Variants in UGT1A8 observed in about 807,000 individuals in gnomAD.
UGT1A8 encodes the protein UDP-glucuronosyltransferase 1A8.
UGT1A8 carries 39 observed loss-of-function variants against 45.3 expected under a neutral mutation model. That is an observed-to-expected ratio of 0.86 (90% CI 0.67 to 1.12). The LOEUF is 1.12. Ranked by LOEUF, UGT1A8 falls within the 50% of genes most tolerant of loss-of-function variation. The pLI is 0.00. For missense variants in UGT1A8, 719 were observed against 664.9 expected (o/e 1.08, Z -0.90); for synonymous variants, 275 against 249.2 (o/e 1.10, Z -0.97).
At chr2:233,684,894 G>A (rs2074708739) in intron 1 of UGT1A8, among the ~76,000 whole-genome samples, 2 of 152,122 alleles carry the variant, frequency 1.3e-5, no homozygotes, top group South Asian at 2.1e-4. Flanking sequence ...TCTTGGAAAA[G>A]TATACAGTTT....
intron 1 of UGT1A8, among the ~76,000 whole-genome samples, chr2:233,737,049 A>G (rs2078837950): frequency 1.3e-5 from 2 of 152,210 alleles, no homozygotes; most frequent in Admixed American, 6.5e-5. Context: ...ATGCCATACT[A>G]GGAGAACGAG....
In UGT1A8 at chr2:233,768,239, C is replaced by A. The variant is rs1699593098; in HGVS notation, c.1095C>A (p.Ala365=). Residue 365 remains alanine (A), a synonymous_variant, in exon 4 of 5, where the codon GCC becomes GCA. Coordinates refer to ENST00000373450, the MANE Select transcript of UGT1A8 (RefSeq NM_019076.5). ...NDLLGHPMTR[A]FITHAGSHGV... ...TCTCAGGTCACCCGATGACCCGTGC[C>A]TTTATCACCCATGCTGGTTCCCATG... 1 of 1,614,058 alleles carries A rather than the reference C, an allele frequency of 6.2e-7. No individual in the cohort carries two copies. The highest frequency in any genetic ancestry group is 1.3e-5 in the African/African-American group (1 of 74,904).
chr2:233,650,218 C>T (rs1381727994), intron 1 of UGT1A8, among the ~76,000 whole-genome samples: 1 of 152,168 alleles, frequency 6.6e-6, no homozygotes. Flanking sequence ...GATCTGCCTG[C>T]CTCGGCCTCC....
At chr2:233,672,530 A>G (rs1243316887) in intron 1 of UGT1A8, 1 of 1,613,940 alleles carries the variant, frequency 6.2e-7, no homozygotes, top group Non-Finnish European at 8.5e-7. Flanking sequence ...GGGTTCTCAG[A>G]TGCCATGACT....
chr2:233,643,027 C>A (rs2073496230), intron 1 of UGT1A8, among the ~76,000 whole-genome samples: 1 of 152,194 alleles, frequency 6.6e-6, no homozygotes, highest in Non-Finnish European at 1.5e-5. Context: ...TGGGTCTCAC[C>A]CAAGGCCTGC....
intron 1 of UGT1A8, among the ~76,000 whole-genome samples, chr2:233,667,448 T>C (rs555953711): frequency 5.1e-4 from 78 of 152,294 alleles, no homozygotes; most frequent in African/African-American, 1.8e-3. Flanking sequence ...AACCTAGGCA[T>C]TACCATTCAG....
chr2:233,680,793 C>T (rs1420831163), intron 1 of UGT1A8, among the ~76,000 whole-genome samples: 1 of 152,072 alleles, frequency 6.6e-6, no homozygotes, highest in Non-Finnish European at 1.5e-5. Flanking sequence ...GGGGTGGGCC[C>T]ATAGCAAAGG....
chr2:233,741,575 C>A lies in UGT1A8; in HGVS notation c.856-25459C>A, dbSNP rs559274983. ...TGGTTATTGTATGAGAATCAACTAC[C>A]CAGGCACCTCGGAGCATGTTGATTT... On this transcript the variant is annotated intron_variant, in intron 1 of 4. Coordinates refer to ENST00000373450, the MANE Select transcript of UGT1A8 (RefSeq NM_019076.5). 4 of 151,970 alleles carry A rather than the reference C, an allele frequency of 2.6e-5. No individual in the cohort carries two copies. In the East Asian group the frequency reaches 7.7e-4, roughly 29 times the overall value. 9.4% of individuals were successfully genotyped at this position (151,970 alleles called of 1,614,324 possible).
intron 1 of UGT1A8, among the ~76,000 whole-genome samples, chr2:233,739,383 G>A (rs1385341432): frequency 6.6e-6 from 1 of 152,210 alleles, no homozygotes; most frequent in South Asian, 2.1e-4. Context: ...GTGCCTGGAA[G>A]AGCCACAGAC....
intron 1 of UGT1A8, among the ~76,000 whole-genome samples, chr2:233,716,166 G>A (rs1366189269): frequency 6.6e-6 from 1 of 152,138 alleles, no homozygotes; most frequent in Non-Finnish European, 1.5e-5. Flanking sequence ...GAGATGCAGT[G>A]CAGCATCTTC....
intron 1 of UGT1A8, among the ~76,000 whole-genome samples, chr2:233,749,893 C>A (rs141027223): frequency 6.6e-5 from 10 of 151,938 alleles, no homozygotes; most frequent in Non-Finnish European, 1.2e-4. Context: ...GAGGCTCCCC[C>A]CTCCAGCCAC....
At chr2:233,637,342 G>A in intron 1 of UGT1A8, 1 of 1,613,740 alleles carries the variant, frequency 6.2e-7, no homozygotes, top group African/African-American at 1.3e-5. Flanking sequence ...CTTCATTGGT[G>A]GTATCAACTG....
chr2:233,632,237 G>T (rs1199446597), intron 1 of UGT1A8, among the ~76,000 whole-genome samples: 1 of 152,138 alleles, frequency 6.6e-6, no homozygotes, highest in Non-Finnish European at 1.5e-5. Context: ...TGTTACTGTA[G>T]CCTTGTAGTA....
intron 1 of UGT1A8, among the ~76,000 whole-genome samples, chr2:233,633,600 G>A (rs2073229433): frequency 6.6e-6 from 1 of 152,146 alleles, no homozygotes; most frequent in African/African-American, 2.4e-5. Context: ...TTTGTGTAGA[G>A]GTGTTGATAG....
At chr2:233,713,944 A>G (rs2076357892) in intron 1 of UGT1A8, 2 of 1,609,792 alleles carry the variant, frequency 1.2e-6, no homozygotes, top group East Asian at 2.2e-5. Flanking sequence ...TTCCATATCT[A>G]CTTATCTTTC....
chr2:233,648,707 G>A (rs989095177), intron 1 of UGT1A8: 26 of 404,298 alleles, frequency 6.4e-5, no homozygotes, highest in Middle Eastern at 3.9e-4. Flanking sequence ...CTCGTGATCC[G>A]CCCGCCTTGG....
At chr2:233,692,743 A>G in intron 1 of UGT1A8, 1 of 1,050,164 alleles carries the variant, frequency 9.5e-7, no homozygotes, top group Non-Finnish European at 1.3e-6. Context: ...GAGAGGGAGA[A>G]GCAGACTTGT....
chr2:233,713,893 A>T (rs774657608), intron 1 of UGT1A8: 2 of 1,613,332 alleles, frequency 1.2e-6, no homozygotes, highest in Admixed American at 3.3e-5. Context: ...TCAATGTTCC[A>T]GGCAAAACAC....
chr2:233,760,213 G>A (rs1697347884), intron 1 of UGT1A8: 1 of 1,592,276 alleles, frequency 6.3e-7, no homozygotes, highest in Non-Finnish European at 8.5e-7. Context: ...CATTAACTTG[G>A]TGTATCGATT....
Sources: gnomAD v4.1 joint callset for allele counts (sites outside exome capture counted in the v4.1 genomes callset) on GRCh38, gnomAD v4.1.1 for gene constraint, MANE v1.5 for transcripts, NCBI Gene and HGNC (gene_info 2026-07-23, HGNC 2026-07-21) for gene names.